The following RAPSN variants were observed in gnomAD, a reference collection of about 807,000 sequenced individuals.
RAPSN encodes receptor associated protein of the synapse.
Under a neutral mutation model 45.7 loss-of-function variants are expected in RAPSN, and 33 were observed. That is an observed-to-expected ratio of 0.72 (90% CI 0.55 to 0.97). The LOEUF (loss-of-function observed/expected upper bound fraction) is 0.97, where lower values mean the gene tolerates loss of function less well. Among genes scored for constraint, RAPSN ranks in the 50% least tolerant of loss-of-function variants. The pLI is 0.00. For synonymous variants in RAPSN, 244 were observed against 233.6 expected, an observed-to-expected ratio of 1.04 and a Z score of -0.40; for missense variants, 519 against 559.4, an observed-to-expected ratio of 0.93 and a Z score of 0.73.
chr11:47,448,578 GCCACAGGC>G (rs1254316180), intron 1 of RAPSN, among the ~76,000 whole-genome samples, 187 bp downstream of exon 1: 71 of 152,304 alleles, frequency 4.7e-4, no homozygotes, highest in African/African-American at 1.6e-3. Context: ...ACAGTTCAAG[GCCACAGGC>G]CTGAATCTGA....
intron 1 of RAPSN, 94 bp downstream of exon 1, chr11:47,448,679 G>C: frequency 6.6e-7 from 1 of 1,511,740 alleles, no homozygotes. Context: ...GTGGGACACA[G>C]GGGAGCCCGA....
At chr11:47,442,036 A>G in intron 3 of RAPSN, 115 bp from the exon 4 acceptor site, 1 of 1,075,640 alleles carries the variant, frequency 9.3e-7, no homozygotes, top group Non-Finnish European at 1.4e-6. Context: ...CTCAGAGCCT[A>G]GTGAATCTAT....
rs139525851 is a variant in RAPSN, at chr11:47,438,800, G to A, written c.1098C>T (p.Cys366=). 263 of 1,570,356 alleles carry A rather than the reference G, an allele frequency of 1.7e-4. 1 individual carries two copies. Among genetic ancestry groups the A allele is most frequent in the South Asian group, 1.5e-3 (130 of 85,572 alleles). ...VEETELYCGL[C]GESIGEKNSR... ...TGTTCTTCTCGCCTATGGACTCGCCGCACAGGCCGCAGTAGAGCTCCGTCT... is the reference window on the plus strand; with the variant it reads ...TGTTCTTCTCGCCTATGGACTCGCCACACAGGCCGCAGTAGAGCTCCGTCT... The change falls in exon 7 of 8, where the codon TGC becomes TGT. Residue 366 remains cysteine (C), a synonymous_variant. Transcript: ENST00000298854.
chr11:47,441,773 G>C, intron 4 of RAPSN, 40 bp from the exon 5 acceptor site: 1 of 1,599,036 alleles, frequency 6.3e-7, no homozygotes, highest in Non-Finnish European at 8.5e-7. Flanking sequence ...GCTGTATCAG[G>C]CCTGTGCCCC....
At chr11:47,444,193 TA>T (rs1240343625) in intron 2 of RAPSN, among the ~76,000 whole-genome samples, 4 of 152,036 alleles carry the variant, frequency 2.6e-5, no homozygotes, top group Non-Finnish European at 4.4e-5. Flanking sequence ...TGAAGCCACA[TA>T]AATGTTTTAC....
At chr11:47,445,238 A>AAT (rs976788941) in intron 2 of RAPSN, among the ~76,000 whole-genome samples, 1 of 151,186 alleles carries the variant, frequency 6.6e-6, no homozygotes. Flanking sequence ...TCTAAAAAAA[A>AAT]ATATATATAT....
In RAPSN at chr11:47,442,678, C is replaced by T. The variant is rs2153309064; in HGVS notation, c.668G>A (p.Gly223Asp). 5.0e-6 allele frequency: 8 copies of T among 1,614,202 alleles called. No homozygotes were observed. Among genetic ancestry groups the T allele is most frequent in the African/African-American group, 1.3e-5 (1 of 75,046 alleles). ...CACCTCACAACACTCCATGGCACTG[C>T]CCAGGCGGCCCAGCAGGCGATAGGC... ...AVAYRLLGRL[G>D]SAMECCEESM... The change falls in exon 3 of 8, where the codon GGC becomes GAC. Residue 223 changes from glycine (G) to aspartate (D), a missense_variant. Coordinates refer to ENST00000298854, the MANE Select transcript of RAPSN (RefSeq NM_005055.5).
In RAPSN at chr11:47,447,859, C is replaced by T. The variant is rs121909255; in HGVS notation, c.484G>A (p.Glu162Lys). 8.1e-6 allele frequency: 13 copies of T among 1,613,322 alleles called. No individual in the cohort carries two copies. The highest frequency in any genetic ancestry group is 6.7e-5 in the East Asian group (3 of 44,874). The change falls in exon 2 of 8, where the codon GAG (glutamate) becomes AAG (lysine). Residue 162 changes from glutamate (E) to lysine (K), a missense_variant. By Grantham distance (56) the Glu-to-Lys change is moderately conservative. Transcript: ENST00000298854. ...CCCAGGCTGCAGCACACGCGGCACT[C>T]GAGCATGGCGTCATCATTGTTGTGG... ...YAHNNDDAML[E>K]CRVCCSLGSF...
At chr11:47,446,031 C>A (rs922025727) in intron 2 of RAPSN, among the ~76,000 whole-genome samples, 2 of 151,772 alleles carry the variant, frequency 1.3e-5, no homozygotes, top group Admixed American at 6.6e-5. Flanking sequence ...TGGGCTCAAG[C>A]GATCCTCCCG....
chr11:47,448,922 G>T lies in RAPSN; in HGVS notation c.43C>A (p.Gln15Lys), dbSNP rs1326936118. 4 of 1,614,130 alleles carry T rather than the reference G, an allele frequency of 2.5e-6. No individual in the cohort carries two copies. The highest frequency in any genetic ancestry group is 3.4e-6 in the Non-Finnish European group (4 of 1,180,052). The change falls in exon 1 of 8, where the codon CAG becomes AAG. Residue 15 changes from glutamine (Q) to lysine (K), a missense_variant. Physicochemically the swap from Gln to Lys is moderately conservative, Grantham distance 53 (BLOSUM62 1). Transcript: ENST00000298854. ...TCTGTCTGGTTGGACTGGTACAGCT[G>T]GAGCCCCTTCTCGATCTGCTGCTTG... ...QTKQQIEKGL[Q>K]LYQSNQTEKA... is the part of the protein sequence containing the mutation.
At chr11:47,439,017 C>T in intron 6 of RAPSN, 86 bp from the exon 7 acceptor site, 1 of 1,419,066 alleles carries the variant, frequency 7.0e-7, no homozygotes, top group Non-Finnish European at 9.6e-7. Flanking sequence ...ACTTCCCTGT[C>T]TTGCTGATGG....
chr11:47,448,197 G>C, intron 1 of RAPSN, 47 bp from the exon 2 acceptor site: 2 of 1,588,810 alleles, frequency 1.3e-6, no homozygotes. Context: ...TGGACTCTGA[G>C]CCTTGGACCC....
rs78293924 is a variant in RAPSN, at chr11:47,442,646, G to C, written c.690+10C>G. On this transcript the variant is annotated intron_variant, in intron 3 of 7. Coordinates refer to ENST00000298854, the MANE Select transcript of RAPSN (RefSeq NM_005055.5). ...TCATCCCCGACCTGCCCCCTTCCCC[G>C]CTGCCCCACCTCACAACACTCCATG... 6 of 1,587,628 alleles carry C rather than the reference G, an allele frequency of 3.8e-6. No homozygotes were observed. Among genetic ancestry groups the C allele is most frequent in the African/African-American group, 1.3e-5 (1 of 74,308 alleles).
rs1161231934 is a variant in RAPSN, at chr11:47,443,931, C to CAAAAAAAAAAAAAAAAAAAAAAAA, written c.532-1141_532-1118dup. Among the ~76,000 whole-genome samples the CAAAAAAAAAAAAAAAAAAAAAAAA allele has an allele frequency of 4.7e-3, 65 of 13,970 alleles. 2 individuals carry two copies. The highest frequency in any genetic ancestry group is 6.5e-3 in the East Asian group (2 of 306). The allele number at this position is 13,970 out of a possible 152,430, so 9.2% of individuals were successfully genotyped here. ...GGTGACAGAGGCAGACTCTGTCTCA[C>CAAAAAAAAAAAAAAAAAAAAAAAA]AAAAAAAAAAAAAAAAAAAAAAAAA... On this transcript the variant is annotated intron_variant, in intron 2 of 7. Transcript: ENST00000298854.
At chr11:47,444,133 A>C (rs2076387013) in intron 2 of RAPSN, among the ~76,000 whole-genome samples, 1 of 152,066 alleles carries the variant, frequency 6.6e-6, no homozygotes, top group Admixed American at 6.6e-5. Flanking sequence ...GAGAAGTGTC[A>C]ATAACCCCCC....
intron 2 of RAPSN, 48 bp from the exon 3 acceptor site, chr11:47,442,862 G>A: frequency 6.2e-7 from 1 of 1,609,318 alleles, no homozygotes; most frequent in Non-Finnish European, 8.5e-7. Flanking sequence ...GGCAGAGGCT[G>A]CCCCAAGTCA....
chr11:47,448,223 G>T, intron 1 of RAPSN, 73 bp from the exon 2 acceptor site: 1 of 1,520,676 alleles, frequency 6.6e-7, no homozygotes, highest in Non-Finnish European at 9.0e-7. Flanking sequence ...TGCACTGCAG[G>T]CTCAGACCTG....
Position 47,448,270 on chromosome 11 carries a change from G to A in RAPSN, c.193-120C>T, listed in dbSNP as rs73459787. 5,367 of 1,057,070 alleles carry A rather than the reference G, an allele frequency of 5.1e-3. 198 individuals carry two copies. In the African/African-American group the frequency reaches 0.074, roughly 15 times the overall value. The allele number at this position is 1,057,070 out of a possible 1,614,324, so 65.5% of individuals were successfully genotyped here. ...CCCACCCCCCAGCCTCACACCCAAAGCAGCAGATCCCAAAGCTTCTTTTCA... is the reference window on the plus strand; with the variant it reads ...CCCACCCCCCAGCCTCACACCCAAAACAGCAGATCCCAAAGCTTCTTTTCA... On this transcript the variant is annotated intron_variant, in intron 1 of 7. Transcript: ENST00000298854.
intron 3 of RAPSN, among the ~76,000 whole-genome samples, chr11:47,442,334 G>A (rs966433080): frequency 3.3e-5 from 5 of 152,272 alleles, no homozygotes; most frequent in African/African-American, 9.6e-5. Flanking sequence ...TCCTTCAGGG[G>A]TTCAGCTGTA....
Sources: gnomAD v4.1 joint callset for allele counts (sites outside exome capture counted in the v4.1 genomes callset) on GRCh38, gnomAD v4.1.1 for gene constraint, MANE v1.5 for transcripts, NCBI Gene and HGNC (gene_info 2026-07-23, HGNC 2026-07-21) for gene names.